The following ABCA13 variants were observed in gnomAD, a reference collection of about 807,000 sequenced individuals.
The protein encoded by ABCA13 is ATP-binding cassette sub-family A member 13.
ABCA13 carries 476 observed loss-of-function variants against 478.7 expected under a neutral mutation model. That is an observed-to-expected ratio of 0.99 (90% CI 0.92 to 1.07). The LOEUF is 1.07. Among genes scored for constraint, ABCA13 ranks in the 50% least tolerant of loss-of-function variants. The probability of loss-of-function intolerance (pLI) is 0.00; values close to 1 mark genes in which losing one functional copy is unlikely to be tolerated. For missense variants in ABCA13, 6,060 were observed against 5,910.6 expected (o/e 1.03, Z -0.83); for synonymous variants, 2,252 against 2,158.9 (o/e 1.04, Z -1.20).
rs1795865525 is a variant in ABCA13 at position 48,273,259 on chromosome 7, G to T, written c.3593G>T (p.Gly1198Val). 6 of 1,613,488 alleles carry T rather than the reference G, an allele frequency of 3.7e-6. No individual in the cohort carries two copies. The highest frequency in any genetic ancestry group is 4.2e-6 in the Non-Finnish European group (5 of 1,179,734). ...DDVKVSKSCQ[G>V]ILPTHNVARL... Reference sequence around the variant, plus strand: ...GTGAAAGTCTCTAAAAGCTGCCAGGGTATACTTCCCACCCATAATGTTGCT... The same window carrying T: ...GTGAAAGTCTCTAAAAGCTGCCAGGTTATACTTCCCACCCATAATGTTGCT... Residue 1198 changes from glycine (G) to valine (V), a missense_variant, in exon 17 of 62, where the codon GGT (glycine) becomes GTT (valine). Transcript: ENST00000435803.
chr7:48,344,732 G>A (rs1584941267), intron 29 of ABCA13, among the ~76,000 whole-genome samples: 2 of 152,136 alleles, frequency 1.3e-5, no homozygotes, highest in East Asian at 3.9e-4. Flanking sequence ...CAGAGGCTTT[G>A]CCCATTCGTG....
At chr7:48,494,414 GA>G (rs1563348299) in intron 48 of ABCA13, among the ~76,000 whole-genome samples, 86 of 152,290 alleles carry the variant, frequency 5.6e-4, no homozygotes, top group African/African-American at 2.0e-3. Flanking sequence ...ACATGCCCTT[GA>G]GAGCTTTGGG....
chr7:48,475,288 C>T (rs939460020), intron 45 of ABCA13, among the ~76,000 whole-genome samples: 1 of 152,054 alleles, frequency 6.6e-6, no homozygotes, highest in Admixed American at 6.6e-5. Context: ...AGGAGACGTA[C>T]ACAAAGCTGT....
At chr7:48,514,335 T>C (rs1034701129) in intron 51 of ABCA13, among the ~76,000 whole-genome samples, 2 of 152,182 alleles carry the variant, frequency 1.3e-5, no homozygotes, top group Admixed American at 1.3e-4. Flanking sequence ...ATCGTGTTGT[T>C]AAAGGAGCAG....
At chr7:48,320,613 A>G (rs909938202) in intron 27 of ABCA13, among the ~76,000 whole-genome samples, 1 of 152,218 alleles carries the variant, frequency 6.6e-6, no homozygotes, top group African/African-American at 2.4e-5. Context: ...TTGAAGAACA[A>G]TGTGTAGACA....
chr7:48,619,579 A>G (rs1340406997), intron 59 of ABCA13, among the ~76,000 whole-genome samples: 1 of 152,222 alleles, frequency 6.6e-6, no homozygotes, highest in Non-Finnish European at 1.5e-5. Context: ...TTTGGTACTC[A>G]CAAGTGCAGA....
intron 40 of ABCA13, among the ~76,000 whole-genome samples, chr7:48,411,274 T>A (rs375745576): frequency 0.13 from 12,007 of 90,708 alleles, 1,397 homozygotes; most frequent in Non-Finnish European, 0.17. Context: ...CTTTCCTCCC[T>A]CCCTCCTCCT....
intron 55 of ABCA13, among the ~76,000 whole-genome samples, chr7:48,558,840 T>A (rs577729741): frequency 6.6e-6 from 1 of 152,202 alleles, no homozygotes; most frequent in Non-Finnish European, 1.5e-5. Flanking sequence ...GCCTTGATGT[T>A]CAGAGATGTT....
intron 35 of ABCA13, among the ~76,000 whole-genome samples, chr7:48,387,480 C>T (rs150256763): frequency 2.1e-4 from 32 of 152,138 alleles, no homozygotes; most frequent in Admixed American, 1.8e-3. Context: ...AGAACAATCA[C>T]AAAATAGAAG....
intron 59 of ABCA13, among the ~76,000 whole-genome samples, chr7:48,635,506 A>G (rs575548062): frequency 1.3e-5 from 2 of 152,158 alleles, no homozygotes; most frequent in African/African-American, 4.8e-5. Context: ...AACAAGGGGG[A>G]CCCCAATATT....
chr7:48,397,113 C>T (rs550596815), intron 38 of ABCA13, among the ~76,000 whole-genome samples: 24 of 152,174 alleles, frequency 1.6e-4, no homozygotes, highest in South Asian at 2.1e-4. Context: ...TGGGTTGAGC[C>T]CTGCTGGGAG....
At chr7:48,447,038 A>G (rs1351267402) in intron 42 of ABCA13, among the ~76,000 whole-genome samples, 2 of 152,250 alleles carry the variant, frequency 1.3e-5, no homozygotes, top group African/African-American at 2.4e-5. Context: ...AGCCATGCAG[A>G]TCAGAGCTAC....
At chr7:48,476,335 A>G (rs1009969310) in intron 45 of ABCA13, among the ~76,000 whole-genome samples, 1 of 152,180 alleles carries the variant, frequency 6.6e-6, no homozygotes, top group African/African-American at 2.4e-5. Flanking sequence ...AACCAGCAAA[A>G]GGGCCTGGCT....
At chr7:48,218,302 GC>G (rs1156632077) in intron 3 of ABCA13, among the ~76,000 whole-genome samples, 1 of 152,150 alleles carries the variant, frequency 6.6e-6, no homozygotes, top group Non-Finnish European at 1.5e-5. Context: ...GTCATTTTTA[GC>G]CTTTAATATG....
intron 48 of ABCA13, among the ~76,000 whole-genome samples, chr7:48,499,918 A>G (rs1043423231): frequency 7.2e-5 from 11 of 152,180 alleles, no homozygotes; most frequent in Admixed American, 3.9e-4. Flanking sequence ...CTACAACCCA[A>G]TTACAGAGAT....
rs777063715 is a variant in ABCA13, at chr7:48,276,215, T to A, written c.6549T>A (p.Val2183=). The change falls in exon 17 of 62, where the codon GTT becomes GTA. Residue 2183 remains valine, a synonymous_variant. Transcript: ENST00000435803. ...KNISRAGNFD[V]AFLTHLLNQE... Reference sequence around the variant, plus strand: ...TATCTAGAGCAGGCAATTTTGATGTTGCCTTTCTTACCCATCTGCTAAATC... The same window carrying A: ...TATCTAGAGCAGGCAATTTTGATGTAGCCTTTCTTACCCATCTGCTAAATC... 1.1e-5 allele frequency: 17 copies of A among 1,581,832 alleles called. No homozygotes were observed. The African/African-American group carries it at 2.2e-4, about 20-fold the overall frequency.
At chr7:48,372,532 A>T (rs954593106) in intron 33 of ABCA13, 35 bp downstream of exon 33, 4 of 1,448,224 alleles carry the variant, frequency 2.8e-6, no homozygotes, top group African/African-American at 1.4e-5. Context: ...AAAAAAAAAA[A>T]ACAACAAAAT....
intron 35 of ABCA13, among the ~76,000 whole-genome samples, chr7:48,384,301 G>C (rs765340171): frequency 1.3e-5 from 2 of 152,334 alleles, no homozygotes; most frequent in Non-Finnish European, 2.9e-5. Context: ...GGGGCTTTTC[G>C]TGTAATTGGT....
chr7:48,415,509 A>T (rs569439745), intron 41 of ABCA13, among the ~76,000 whole-genome samples: 1 of 152,278 alleles, frequency 6.6e-6, no homozygotes, highest in African/African-American at 2.4e-5. Context: ...AGGAATATGG[A>T]CCAAGCACAC....
Sources: allele counts gnomAD v4.1 joint callset (sites outside exome capture counted in the v4.1 genomes callset), GRCh38; gene constraint gnomAD v4.1.1; transcripts MANE v1.5; gene names NCBI Gene and HGNC (gene_info 2026-07-23, HGNC 2026-07-21).